Variants in SV2C observed in about 807,000 individuals in gnomAD.
SV2C encodes the protein synaptic vesicle glycoprotein 2C, also known as solute carrier family 22 member B3.
A neutral mutation model predicts 79.7 loss-of-function variants in SV2C; 49 were observed. That is an observed-to-expected ratio of 0.61 (90% CI 0.49 to 0.78). The LOEUF (loss-of-function observed/expected upper bound fraction) is 0.78, where lower values mean the gene tolerates loss of function less well. Among genes scored for constraint, SV2C ranks in the 30% least tolerant of loss-of-function variants. The pLI is 0.00. For synonymous variants in SV2C, 334 were observed against 333.2 expected, an observed-to-expected ratio of 1.00 and a Z score of -0.03; for missense variants, 833 against 912.9, an observed-to-expected ratio of 0.91 and a Z score of 1.13.
the SV2C span, among the ~76,000 whole-genome samples, chr5:75,934,476 C>T: frequency 2.0e-5 from 3 of 151,832 alleles, no homozygotes; most frequent in East Asian, 1.9e-4. Context: ...TTAGTAGAGA[C>T]GGGGTTTCAC....
At chr5:75,909,963 T>G in the SV2C span, among the ~76,000 whole-genome samples, 2 of 152,222 alleles carry the variant, frequency 1.3e-5, no homozygotes, top group African/African-American at 4.8e-5. Flanking sequence ...TCCTGCCCAG[T>G]AAACTCCATG....
At chr5:75,850,637 TAAA>T in the SV2C span, among the ~76,000 whole-genome samples, 17 of 149,234 alleles carry the variant, frequency 1.1e-4, no homozygotes, top group Admixed American at 8.7e-4. Context: ...TAAAGTATAA[TAAA>T]AAAAAAAGCA....
intron 4 of SV2C, among the ~76,000 whole-genome samples, chr5:76,272,470 G>A (rs1746902293): frequency 6.6e-6 from 1 of 152,186 alleles, no homozygotes; most frequent in South Asian, 2.1e-4. Context: ...GGCTTTTTGG[G>A]TTTTTACGGA....
the SV2C span, among the ~76,000 whole-genome samples, chr5:75,956,618 A>G: frequency 3.9e-5 from 6 of 152,038 alleles, no homozygotes; most frequent in African/African-American, 1.2e-4. Context: ...TTAAGACCAG[A>G]ATCTGATTAT....
intron 12 of SV2C, among the ~76,000 whole-genome samples, chr5:76,343,845 A>C (rs562568547): frequency 6.6e-6 from 1 of 152,264 alleles, no homozygotes; most frequent in East Asian, 1.9e-4. Context: ...ACATGGTGAA[A>C]CCCCATCTCT....
intron 1 of SV2C, among the ~76,000 whole-genome samples, chr5:76,107,075 A>G (rs1279596013): frequency 6.6e-6 from 1 of 152,228 alleles, no homozygotes; most frequent in Non-Finnish European, 1.5e-5. Context: ...AGACCACAAA[A>G]ATGAGTATAC....
the SV2C span, among the ~76,000 whole-genome samples, chr5:75,878,497 G>T: frequency 0.027 from 4,038 of 152,140 alleles, 176 homozygotes; most frequent in African/African-American, 0.092. Context: ...GGAATAATTG[G>T]CAATTTTTAT....
At chr5:76,220,692 A>G (rs770190951) in intron 4 of SV2C, among the ~76,000 whole-genome samples, 11 of 151,988 alleles carry the variant, frequency 7.2e-5, no homozygotes, top group Non-Finnish European at 1.5e-4. Context: ...GCAAGATATA[A>G]GTTTGTTTTA....
At chr5:76,010,225 G>C in the SV2C span, among the ~76,000 whole-genome samples, 2 of 151,964 alleles carry the variant, frequency 1.3e-5, no homozygotes, top group African/African-American at 2.4e-5. Flanking sequence ...CTCTCCCTAG[G>C]CTCTTCCCAG....
chr5:75,916,554 A>G, the SV2C span, among the ~76,000 whole-genome samples: 1 of 151,952 alleles, frequency 6.6e-6, no homozygotes, highest in African/African-American at 2.4e-5. Context: ...GGCTCACTGC[A>G]ACCTCCGTCT....
the SV2C span, among the ~76,000 whole-genome samples, chr5:75,891,966 C>T: frequency 6.6e-6 from 1 of 152,072 alleles, no homozygotes; most frequent in Admixed American, 6.6e-5. Flanking sequence ...AAACCCTGAC[C>T]TCCCCAGCAA....
intron 4 of SV2C, among the ~76,000 whole-genome samples, chr5:76,239,701 T>G (rs1745723324): frequency 6.6e-6 from 1 of 152,162 alleles, no homozygotes; most frequent in African/African-American, 2.4e-5. Context: ...TATTAAAGGT[T>G]AGCACCCCCT....
chr5:76,213,263 G>T (rs1744821170), intron 4 of SV2C, among the ~76,000 whole-genome samples: 1 of 152,194 alleles, frequency 6.6e-6, no homozygotes, highest in African/African-American at 2.4e-5. Flanking sequence ...TGAGGTCATT[G>T]TTGTACTCTT....
intron 12 of SV2C, among the ~76,000 whole-genome samples, chr5:76,303,127 T>A (rs1748066808): frequency 6.6e-6 from 1 of 152,216 alleles, no homozygotes; most frequent in African/African-American, 2.4e-5. Flanking sequence ...CAACCCTGGA[T>A]GTCTGCTTAT....
intron 10 of SV2C, among the ~76,000 whole-genome samples, chr5:76,300,142 G>A (rs770574893): frequency 3.1e-5 from 4 of 130,138 alleles, no homozygotes; most frequent in African/African-American, 5.9e-5. Flanking sequence ...AGCTCACTGC[G>A]GCCTCAAATA....
At chr5:76,177,499 TAAC>T (rs1307528443) in intron 2 of SV2C, among the ~76,000 whole-genome samples, 1 of 151,902 alleles carries the variant, frequency 6.6e-6, no homozygotes, top group Non-Finnish European at 1.5e-5. Flanking sequence ...AGAATAATTA[TAAC>T]AATATACTAT....
chr5:76,353,432 T>G (rs535620983), exon 13 of SV2C: 4 of 177,844 alleles, frequency 2.2e-5, no homozygotes, highest in African/African-American at 9.6e-5. Context: ...TCCTTAAATT[T>G]ACTATACAGC....
At chr5:76,334,652 AAGG>A (rs1749277356), downstream of SV2C, among the ~76,000 whole-genome samples, 1 of 152,208 alleles carries the variant, frequency 6.6e-6, no homozygotes, top group Admixed American at 6.5e-5. Flanking sequence ...TAAGCGCCAG[AAGG>A]AGAACTAGTC....
At chr5:76,201,542 T>C (rs73113773) in intron 3 of SV2C, among the ~76,000 whole-genome samples, 17 of 152,352 alleles carry the variant, frequency 1.1e-4, no homozygotes, top group African/African-American at 3.8e-4. Flanking sequence ...GTGTACTTCA[T>C]AGCTATTTGC....
Sources: allele counts gnomAD v4.1 joint callset (sites outside exome capture counted in the v4.1 genomes callset), GRCh38; gene constraint gnomAD v4.1.1; transcripts MANE v1.5; gene names NCBI Gene and HGNC (gene_info 2026-07-23, HGNC 2026-07-21).